The following GPATCH2 variants were observed in gnomAD, a reference collection of about 807,000 sequenced individuals.
GPATCH2 encodes the protein G-patch domain containing 2.
In GPATCH2, 51 loss-of-function variants were observed where a neutral mutation model predicts 58.0. The observed-to-expected ratio is 0.88, with a 90% CI of 0.70 to 1.11. The LOEUF (loss-of-function observed/expected upper bound fraction) is 1.11, where lower values mean the gene tolerates loss of function less well. GPATCH2 is among the 50% of genes most tolerant of loss of function. The pLI is 0.00. For synonymous variants in GPATCH2, 222 were observed against 218.5 expected (o/e 1.02, Z -0.14); for missense variants, 625 against 652.2 (o/e 0.96, Z 0.45).
At chr1:217,609,043 CAATT>C (rs10590056) in intron 5 of GPATCH2, 36,874 of 807,824 alleles carry the variant, frequency 0.046, 929 homozygotes, top group Middle Eastern at 0.072. Flanking sequence ...GCTGAATTAA[CAATT>C]AATCCATACA....
chr1:217,507,763 A>G (rs1443127822), intron 6 of GPATCH2, among the ~76,000 whole-genome samples: 1 of 152,144 alleles, frequency 6.6e-6, no homozygotes, highest in Non-Finnish European at 1.5e-5. Context: ...CTTATACCCT[A>G]ACAGGTTTAG....
At chr1:217,556,882 GC>G (rs1228510278) in intron 5 of GPATCH2, among the ~76,000 whole-genome samples, 1 of 152,096 alleles carries the variant, frequency 6.6e-6, no homozygotes, top group African/African-American at 2.4e-5. Flanking sequence ...TTTAATTTTT[GC>G]CAATCTGGTG....
chr1:217,513,603 T>C (rs1344190418), intron 6 of GPATCH2, among the ~76,000 whole-genome samples: 1 of 152,156 alleles, frequency 6.6e-6, no homozygotes, highest in African/African-American at 2.4e-5. Flanking sequence ...GTTAAGCTTT[T>C]CCAACAAAGA....
intron 8 of GPATCH2, among the ~76,000 whole-genome samples, chr1:217,473,280 AGTGTGTGT>A (rs71166009): frequency 7.4e-4 from 106 of 142,312 alleles, no homozygotes; most frequent in African/African-American, 1.9e-3. Context: ...GGTTTAGTTC[AGTGTGTGT>A]GTGTGTGTGT....
rs1353749942 is a variant in GPATCH2, at chr1:217,542,147, GT to G, written c.1099-27259del. ...TTTGTTTCTTGAGGAATCCTGCTGG[GT>G]TTAGGCTGTGATGAACATCTGCTGG... On this transcript the variant is annotated intron_variant, in intron 5 of 9. Coordinates refer to ENST00000366935, the MANE Select transcript of GPATCH2 (RefSeq NM_018040.5). Among the ~76,000 whole-genome samples the G allele has an allele frequency of 4.6e-5, 7 of 152,304 alleles. No individual in the cohort carries two copies. In the East Asian group the frequency reaches 1.2e-3, roughly 25 times the overall value.
At chr1:217,544,165 C>T (rs1465165555) in intron 5 of GPATCH2, among the ~76,000 whole-genome samples, 1 of 152,206 alleles carries the variant, frequency 6.6e-6, no homozygotes, top group Non-Finnish European at 1.5e-5. Context: ...GAGGCTGAAG[C>T]AGGCGGATCA....
intron 5 of GPATCH2, among the ~76,000 whole-genome samples, chr1:217,582,662 G>C (rs367659637): frequency 6.4e-4 from 98 of 152,254 alleles, no homozygotes; most frequent in African/African-American, 2.3e-3. Context: ...AAGTATTGTG[G>C]TGCTAAATAT....
chr1:217,491,158 C>T (rs1661712453), intron 8 of GPATCH2, among the ~76,000 whole-genome samples: 1 of 152,158 alleles, frequency 6.6e-6, no homozygotes, highest in Non-Finnish European at 1.5e-5. Flanking sequence ...TCTTCAGAAA[C>T]ACCATTTGCA....
intron 5 of GPATCH2, among the ~76,000 whole-genome samples, chr1:217,539,055 T>A (rs992633641): frequency 5.3e-5 from 8 of 152,172 alleles, no homozygotes; most frequent in Non-Finnish European, 7.3e-5. Context: ...TTAATAGAAT[T>A]CTGTGTGTCG....
At chr1:217,454,343 A>G (rs1427104310) in intron 8 of GPATCH2, among the ~76,000 whole-genome samples, 2 of 151,986 alleles carry the variant, frequency 1.3e-5, no homozygotes, top group Admixed American at 6.6e-5. Context: ...TAATCCCAGC[A>G]CCTTGGGAGG....
intron 5 of GPATCH2, among the ~76,000 whole-genome samples, chr1:217,546,147 T>A (rs1426873614): frequency 6.6e-6 from 1 of 152,112 alleles, no homozygotes; most frequent in African/African-American, 2.4e-5. Flanking sequence ...AAATAAGAGA[T>A]GGCACAAGCA....
Position 217,619,943 on chromosome 1 carries a change from T to C in GPATCH2, c.613A>G (p.Thr205Ala). ...TTTCTTTTTTTGACTTTGTTCTTGG[T>C]AAATTCTTGATACTGGTAGGCTCTA... ...SDRAYQYQEF[T>A]KNKVKKRKLK... Residue 205 changes from threonine (T) to alanine (A), a missense_variant, in exon 2 of 10, where the codon ACC becomes GCC. By Grantham distance (58) the Thr-to-Ala change is moderately conservative (BLOSUM62 0). Coordinates refer to ENST00000366935, the MANE Select transcript of GPATCH2 (RefSeq NM_018040.5). 6.2e-7 allele frequency: 1 copy of C among 1,614,046 alleles called. No homozygotes were observed. Among genetic ancestry groups the C allele is most frequent in the Non-Finnish European group, 8.5e-7 (1 of 1,179,980 alleles).
chr1:217,429,467 A>T lies in GPATCH2; in HGVS notation c.*1678T>A, dbSNP rs1558385215. The T allele has an allele frequency of 6.6e-6, 1 of 151,854 alleles. No individual in the cohort carries two copies. Among genetic ancestry groups the T allele is most frequent in the Non-Finnish European group, 1.5e-5 (1 of 67,952 alleles). 9.4% of individuals were successfully genotyped at this position (151,854 alleles called of 1,614,324 possible). On this transcript the variant is annotated 3_prime_UTR_variant, in exon 10 of 10. Transcript: ENST00000366935. ...GGACTTCCCCTCCCTAGTTGGCAGG[A>T]TTTTTTTTAGGGGACCACCTGAGAA...
chr1:217,625,817 T>C (rs562468940), intron 1 of GPATCH2, among the ~76,000 whole-genome samples: 1 of 152,216 alleles, frequency 6.6e-6, no homozygotes, highest in African/African-American at 2.4e-5. Context: ...ACTCCATCTC[T>C]ACTAAAAAAT....
In GPATCH2 at chr1:217,472,879, T is replaced by G. The variant is rs553675211; in HGVS notation, c.1277+18801A>C. ...AGAATGTACAGAGAGAGGAACTGGCTGAAATGGCTTTGGCATTGTCCTAGT... is the reference window on the plus strand; with the variant it reads ...AGAATGTACAGAGAGAGGAACTGGCGGAAATGGCTTTGGCATTGTCCTAGT... On this transcript the variant is annotated intron_variant, in intron 8 of 9. Coordinates refer to ENST00000366935, the MANE Select transcript of GPATCH2 (RefSeq NM_018040.5). Among the ~76,000 whole-genome samples the G allele has an allele frequency of 7.2e-5, 11 of 152,348 alleles. No individual in the cohort carries two copies. The East Asian group carries it at 2.1e-3, about 29-fold the overall frequency.
chr1:217,581,427 C>A (rs1156412212), intron 5 of GPATCH2, among the ~76,000 whole-genome samples: 1 of 152,228 alleles, frequency 6.6e-6, no homozygotes. Flanking sequence ...TAGACGGTTT[C>A]TATAGCTAAT....
intron 9 of GPATCH2, among the ~76,000 whole-genome samples, chr1:217,444,029 A>G (rs946692208): frequency 6.6e-6 from 1 of 152,184 alleles, no homozygotes; most frequent in African/African-American, 2.4e-5. Context: ...CTGCACCTCT[A>G]GAGTGGCTTT....
intron 5 of GPATCH2, among the ~76,000 whole-genome samples, chr1:217,558,572 TTTAAA>T (rs956358070): frequency 1.3e-5 from 2 of 152,066 alleles, no homozygotes; most frequent in African/African-American, 4.8e-5. Flanking sequence ...CATCGAGGTG[TTTAAA>T]TTAAATTCTG....
chr1:217,427,008 A>G lies in GPATCH2; in HGVS notation c.*4137T>C, dbSNP rs534447213. The G allele has an allele frequency of 2.0e-5, 3 of 152,312 alleles. No homozygotes were observed. The highest frequency in any genetic ancestry group is 7.2e-5 in the African/African-American group (3 of 41,582). 9.4% of individuals were successfully genotyped at this position (152,312 alleles called of 1,614,324 possible). A position where few individuals can be genotyped will look rare whatever the true frequency, so the allele number is the denominator to read the frequency against. ...TTTACTCAGTTTTTTGGGAGAAAAGATAAGTTTAATCAACATAGTGAAATG... is the reference window on the plus strand; with the variant it reads ...TTTACTCAGTTTTTTGGGAGAAAAGGTAAGTTTAATCAACATAGTGAAATG... On this transcript the variant is annotated 3_prime_UTR_variant, in exon 10 of 10. Coordinates refer to ENST00000366935, the MANE Select transcript of GPATCH2 (RefSeq NM_018040.5).
Sources: gnomAD v4.1 joint callset for allele counts (sites outside exome capture counted in the v4.1 genomes callset) on GRCh38, gnomAD v4.1.1 for gene constraint, MANE v1.5 for transcripts, NCBI Gene and HGNC (gene_info 2026-07-23, HGNC 2026-07-21) for gene names.